The following BCKDHB variants were observed in gnomAD, a reference collection of about 807,000 sequenced individuals.
BCKDHB encodes branched chain keto acid dehydrogenase E1 subunit beta, also known as 2-oxoisovalerate dehydrogenase subunit beta, mitochondrial.
In BCKDHB, 41 loss-of-function variants were observed where a neutral mutation model predicts 48.5. The ratio of observed to expected loss-of-function variants is 0.85; its 90% confidence interval spans 0.66 to 1.10. BCKDHB has a LOEUF of 1.10. Ranked by LOEUF, BCKDHB falls within the 50% of genes least tolerant of loss-of-function variation. The pLI, the probability that BCKDHB is intolerant of heterozygous loss-of-function variation, is 0.00. For missense variants in BCKDHB, 496 were observed against 494.2 expected (o/e 1.00, Z -0.03); for synonymous variants, 201 against 174.8 (o/e 1.15, Z -1.18).
intron 9 of BCKDHB, among the ~76,000 whole-genome samples, chr6:80,339,004 TA>T (rs57128019): frequency 1.3e-4 from 16 of 119,334 alleles, no homozygotes; most frequent in South Asian, 8.2e-4. Context: ...AACCTTGCCA[TA>T]AAAAAAAAAA....
intron 8 of BCKDHB, among the ~76,000 whole-genome samples, chr6:80,250,684 C>T (rs1776801597): frequency 6.6e-6 from 1 of 152,078 alleles, no homozygotes; most frequent in South Asian, 2.1e-4. Context: ...TAGGATCATC[C>T]AGGCTTATAC....
At chr6:80,350,817 TTTG>T (rs542489092), downstream of BCKDHB, among the ~76,000 whole-genome samples, 347 of 152,274 alleles carry the variant, frequency 2.3e-3, 2 homozygotes, top group Admixed American at 2.5e-3. Context: ...ATCATGGGTT[TTTG>T]TTGTTGTTGT....
In BCKDHB at chr6:80,155,687, C is replaced by T. The variant is rs75264912; in HGVS notation, c.344-11991C>T. Reference sequence around the variant, plus strand: ...TTGTTCTTAATTTACTTAAAGAACACGTTTTTACCCCTTGTGGGATTACTG... The same window carrying T: ...TTGTTCTTAATTTACTTAAAGAACATGTTTTTACCCCTTGTGGGATTACTG... On this transcript the variant is annotated intron_variant, in intron 3 of 9. Transcript: ENST00000320393. Among the ~76,000 whole-genome samples, 1,431 of 152,060 alleles carry T rather than the reference C, an allele frequency of 9.4e-3. 30 individuals are homozygous for T. The highest frequency in any genetic ancestry group is 0.033 in the African/African-American group (1,355 of 41,506).
chr6:80,412,614 T>C, the BCKDHB span, among the ~76,000 whole-genome samples: 1 of 152,350 alleles, frequency 6.6e-6, no homozygotes, highest in African/African-American at 2.4e-5. Context: ...CCTTCATCCA[T>C]GAGTTGTATA....
intron 8 of BCKDHB, among the ~76,000 whole-genome samples, chr6:80,254,210 T>C (rs1041328885): frequency 6.6e-6 from 1 of 151,478 alleles, no homozygotes; most frequent in African/African-American, 2.4e-5. Context: ...TATTATTTTA[T>C]TATTATTTAC....
At chr6:80,379,185 C>T in the BCKDHB span, among the ~76,000 whole-genome samples, 2 of 151,784 alleles carry the variant, frequency 1.3e-5, no homozygotes, top group African/African-American at 2.4e-5. Flanking sequence ...AAGCAAATAT[C>T]CTCAACAAAA....
At chr6:80,296,752 T>G (rs1767279221) in intron 9 of BCKDHB, among the ~76,000 whole-genome samples, 1 of 152,228 alleles carries the variant, frequency 6.6e-6, no homozygotes, top group African/African-American at 2.4e-5. Context: ...CTTTTAACTT[T>G]AGCCAATATG....
chr6:80,297,883 A>G (rs1204311919), intron 9 of BCKDHB, among the ~76,000 whole-genome samples: 2 of 152,192 alleles, frequency 1.3e-5, no homozygotes, highest in Non-Finnish European at 2.9e-5. Context: ...AAAATGTCAC[A>G]CAATGCAGTG....
intron 9 of BCKDHB, among the ~76,000 whole-genome samples, chr6:80,322,888 T>A (rs1562229243): frequency 7.6e-6 from 1 of 131,042 alleles, no homozygotes; most frequent in Non-Finnish European, 1.6e-5. Context: ...TCTTTTTTTT[T>A]CTTTTTTCTT....
intron 3 of BCKDHB, among the ~76,000 whole-genome samples, chr6:80,136,392 G>A (rs533842752): frequency 6.6e-6 from 1 of 152,034 alleles, no homozygotes; most frequent in South Asian, 2.1e-4. Context: ...AATGATGCTG[G>A]GAAAACTGGA....
chr6:80,143,634 G>A (rs1771328969), intron 3 of BCKDHB, among the ~76,000 whole-genome samples: 1 of 152,158 alleles, frequency 6.6e-6, no homozygotes. Context: ...GTTAGGTAAA[G>A]GTTGGCAAAT....
At chr6:80,151,427 T>C (rs536506246) in intron 3 of BCKDHB, among the ~76,000 whole-genome samples, 1 of 149,264 alleles carries the variant, frequency 6.7e-6, no homozygotes, top group African/African-American at 2.5e-5. Flanking sequence ...AACTTTTTTT[T>C]TTTTTGTTTT....
intron 3 of BCKDHB, among the ~76,000 whole-genome samples, chr6:80,154,933 T>C (rs1449772710): frequency 6.6e-6 from 1 of 152,140 alleles, no homozygotes; most frequent in Non-Finnish European, 1.5e-5. Context: ...CATCTTAGTT[T>C]TACCCACAAG....
rs560243186 is a variant in BCKDHB at position 80,342,926 on chromosome 6, A to C, written c.1039-738A>C. ...AGCCTCATGGGACTCATAGTCTCTC[A>C]TGGAAGACAGATAATTGGGCAACTA... On this transcript the variant is annotated intron_variant, in intron 9 of 9. Coordinates refer to ENST00000320393, the MANE Select transcript of BCKDHB (RefSeq NM_183050.4). Among the ~76,000 whole-genome samples, 4 of 152,316 alleles carry C rather than the reference A, an allele frequency of 2.6e-5. No individual in the cohort carries two copies. The South Asian group carries it at 8.3e-4, about 32-fold the overall frequency.
At chr6:80,142,893 T>A (rs904594905) in intron 3 of BCKDHB, among the ~76,000 whole-genome samples, 1 of 152,156 alleles carries the variant, frequency 6.6e-6, no homozygotes, top group African/African-American at 2.4e-5. Flanking sequence ...TTTCAAACAG[T>A]GCCGCATATT....
chr6:80,349,921 T>C (rs1770347741), downstream of BCKDHB, among the ~76,000 whole-genome samples: 1 of 152,028 alleles, frequency 6.6e-6, no homozygotes, highest in African/African-American at 2.4e-5. Context: ...TAGAATAGAA[T>C]CAATAGAAAT....
At chr6:80,330,110 TA>T (rs59548870) in intron 9 of BCKDHB, among the ~76,000 whole-genome samples, 125,865 of 148,644 alleles carry the variant, frequency 0.85, 53,288 homozygotes, top group Middle Eastern at 0.9. Flanking sequence ...GGTGATCTTA[TA>T]AAAAAAAAAA....
chr6:80,363,226 A>G, the BCKDHB span, among the ~76,000 whole-genome samples: 4 of 152,194 alleles, frequency 2.6e-5, no homozygotes, highest in African/African-American at 9.6e-5. Context: ...TGAAAGCAAA[A>G]GTAATTTCCA....
At chr6:80,351,592 C>G in the BCKDHB span, among the ~76,000 whole-genome samples, 1 of 151,088 alleles carries the variant, frequency 6.6e-6, no homozygotes, top group Admixed American at 6.6e-5. Flanking sequence ...TTGGGCCAAT[C>G]AGAGCCCTTC....
Sources: allele counts gnomAD v4.1 joint callset (sites outside exome capture counted in the v4.1 genomes callset), GRCh38; gene constraint gnomAD v4.1.1; transcripts MANE v1.5; gene names NCBI Gene and HGNC (gene_info 2026-07-23, HGNC 2026-07-21).